Variants in DARS1 observed in about 807,000 individuals in gnomAD.
DARS1 encodes the protein aspartate--tRNA ligase, cytoplasmic.
In DARS1, 51 loss-of-function variants were observed where a neutral mutation model predicts 68.8. The observed-to-expected ratio is 0.74, with a 90% CI of 0.59 to 0.94. The LOEUF (loss-of-function observed/expected upper bound fraction) is 0.94. DARS1 is among the 40% of genes least tolerant of loss of function. DARS1 has a pLI of 0.00. For synonymous variants in DARS1, 203 were observed against 190.4 expected, an observed-to-expected ratio of 1.07 and a Z score of -0.55; for missense variants, 607 against 597.3, an observed-to-expected ratio of 1.02 and a Z score of -0.17.
At chr2:135,948,084 G>T (rs77147958) in intron 4 of DARS1, among the ~76,000 whole-genome samples, 1 of 151,952 alleles carries the variant, frequency 6.6e-6, no homozygotes, top group African/African-American at 2.4e-5. Flanking sequence ...TTTTAGACCC[G>T]TTTTTTTTCT....
At position 135,931,690 on chromosome 2, in the gene DARS1, G is replaced by T. The variant is rs184459694; in HGVS notation, c.564+1093C>A. 2.6e-5 allele frequency among the ~76,000 whole-genome samples: 4 copies of T among 152,268 alleles called. No individual in the cohort carries two copies. The East Asian group carries it at 7.7e-4, about 29-fold the overall frequency. ...TGAATGAATGAAATGAATGATATTT[G>T]CTGGGTGGTGCAGGGCAAAGCAAAA... is the stretch of plus-strand genomic sequence containing the variant. On this transcript the variant is annotated intron_variant, in intron 7 of 15. Coordinates refer to ENST00000264161, the MANE Select transcript of DARS1 (RefSeq NM_001349.4).
chr2:135,928,404 T>G (rs1286445343), intron 7 of DARS1, among the ~76,000 whole-genome samples: 3 of 152,198 alleles, frequency 2.0e-5, no homozygotes, highest in Non-Finnish European at 4.4e-5. Context: ...ACTTTTTTTT[T>G]TTGTTTTTTG....
chr2:135,948,920 C>T (rs1040749827), intron 4 of DARS1, among the ~76,000 whole-genome samples: 5 of 151,470 alleles, frequency 3.3e-5, no homozygotes, highest in African/African-American at 1.2e-4. Context: ...AAATTTTAAC[C>T]TACCAACTAG....
In DARS1 at chr2:135,923,241, C is replaced by T. The variant is rs370272576; in HGVS notation, c.677-323G>A. Among the ~76,000 whole-genome samples the T allele has an allele frequency of 2.7e-4, 41 of 152,040 alleles. No homozygotes were observed. In the East Asian group the frequency reaches 6.8e-3, roughly 25 times the overall value. ...TTTTAAAATGAAAAAATATATTCTT[C>T]ATCATTTTTCCTCTTTTAAAAAAAT... is the stretch of plus-strand genomic sequence containing the variant. On this transcript the variant is annotated intron_variant, in intron 8 of 15. Coordinates refer to ENST00000264161, the MANE Select transcript of DARS1 (RefSeq NM_001349.4).
intron 1 of DARS1, among the ~76,000 whole-genome samples, chr2:135,984,693 T>C (rs1016579465): frequency 6.6e-6 from 1 of 152,198 alleles, no homozygotes; most frequent in Non-Finnish European, 1.5e-5. Flanking sequence ...CAGAACTCCT[T>C]ATAGAAAAAT....
At chr2:135,967,123 T>G (rs1000725087) in intron 3 of DARS1, among the ~76,000 whole-genome samples, 4 of 152,212 alleles carry the variant, frequency 2.6e-5, no homozygotes, top group Non-Finnish European at 5.9e-5. Context: ...TTTCATCTCT[T>G]CCTGCTGACT....
In DARS1 at chr2:135,906,295, T is replaced by C. The variant is rs1680778347; in HGVS notation, c.*1021A>G. On this transcript the variant is annotated 3_prime_UTR_variant, in exon 16 of 16. Transcript: ENST00000264161. ...CCCCAATATTTGTGGTCATGTAAAA[T>C]TAACATTAGCATCAACATTTGTAAT... 6.6e-6 allele frequency among the ~76,000 whole-genome samples: 1 copy of C among 151,030 alleles called. No homozygotes were observed. The highest frequency in any genetic ancestry group is 1.5e-5 in the Non-Finnish European group (1 of 67,718).
rs569778975 is a variant in DARS1, at chr2:135,939,833, C to A, written c.423+3545G>T. 7.6e-4 allele frequency among the ~76,000 whole-genome samples: 115 copies of A among 152,204 alleles called. 2 individuals are homozygous for A. In the East Asian group the frequency reaches 0.019, roughly 25 times the overall value. ...AAAAATGATAAAGGGGATATCACCA[C>A]CGATCCCACAGAAATACAAACTACC... On this transcript the variant is annotated intron_variant, in intron 5 of 15. Transcript: ENST00000264161.
chr2:135,926,140 C>G (rs766210587), intron 7 of DARS1, among the ~76,000 whole-genome samples: 1 of 152,208 alleles, frequency 6.6e-6, no homozygotes, highest in Non-Finnish European at 1.5e-5. Context: ...ATCTGCTCAT[C>G]ACGGCCTCCC....
chr2:135,961,439 C>T lies in DARS1; in HGVS notation c.277G>A (p.Val93Met). 6.4e-7 allele frequency: 1 copy of T among 1,553,636 alleles called. No individual in the cohort carries two copies. The highest frequency in any genetic ancestry group is 8.9e-7 in the Non-Finnish European group (1 of 1,124,762). The change falls in exon 4 of 16, where the codon GTG (valine) becomes ATG (methionine). Residue 93 changes from valine to methionine, a missense_variant. By Grantham distance (21) the Val-to-Met change is conservative (BLOSUM62 1). Transcript: ENST00000264161. ...QQFNVQALVA[V>M]GDHASKQMVK... ...ATCTGCTTGCTTGCATGGTCTCCCA[C>T]CGCCACAAGAGCCTGGACATTAAAC...
At chr2:135,967,695 T>C (rs1682267408) in intron 3 of DARS1, among the ~76,000 whole-genome samples, 1 of 152,296 alleles carries the variant, frequency 6.6e-6, no homozygotes, top group Admixed American at 6.5e-5. Context: ...TTTTGCATTA[T>C]AGGATTCTAA....
At chr2:135,978,738 G>A (rs977085883) in intron 3 of DARS1, among the ~76,000 whole-genome samples, 32 of 152,272 alleles carry the variant, frequency 2.1e-4, no homozygotes, top group African/African-American at 7.0e-4. Context: ...AATGGGAGCC[G>A]TTAGCCACAT....
intron 4 of DARS1, among the ~76,000 whole-genome samples, chr2:135,955,412 T>C (rs1280761062): frequency 6.6e-6 from 1 of 152,042 alleles, no homozygotes; most frequent in Non-Finnish European, 1.5e-5. Flanking sequence ...TTTTTAAATC[T>C]TTGCAAGGGG....
chr2:135,934,888 G>A (rs536812266), intron 5 of DARS1, among the ~76,000 whole-genome samples: 5 of 149,726 alleles, frequency 3.3e-5, no homozygotes, highest in Admixed American at 6.7e-5. Flanking sequence ...TCTGTCTCCC[G>A]GGTTCAAGCG....
chr2:135,968,070 G>A (rs1358032252), intron 3 of DARS1, among the ~76,000 whole-genome samples: 3 of 152,080 alleles, frequency 2.0e-5, no homozygotes, highest in African/African-American at 7.2e-5. Flanking sequence ...GACTAGCCTG[G>A]CCAAAATGGT....
chr2:135,985,096 A>C (rs1347958102), intron 1 of DARS1: 3 of 470,774 alleles, frequency 6.4e-6, no homozygotes, highest in Non-Finnish European at 7.7e-6. Flanking sequence ...GACGTGCCTA[A>C]CCCAGAGAGA....
At chr2:135,919,053 A>T (rs1171217586) in intron 10 of DARS1, among the ~76,000 whole-genome samples, 1 of 152,132 alleles carries the variant, frequency 6.6e-6, no homozygotes, top group Non-Finnish European at 1.5e-5. Flanking sequence ...TTTCTTTGAG[A>T]CAGAGTCTTG....
intron 4 of DARS1, among the ~76,000 whole-genome samples, chr2:135,950,233 C>T (rs1681812714): frequency 6.6e-6 from 1 of 152,148 alleles, no homozygotes; most frequent in South Asian, 2.1e-4. Flanking sequence ...GGAAACGAAA[C>T]ATCTTGAAAA....
chr2:135,957,199 C>T (rs536012544), intron 4 of DARS1, among the ~76,000 whole-genome samples: 149 of 151,668 alleles, frequency 9.8e-4, no homozygotes, highest in Middle Eastern at 3.4e-3. Flanking sequence ...AGAGTAGATG[C>T]GACTACAGGT....
Sources: gnomAD v4.1 joint callset for allele counts (sites outside exome capture counted in the v4.1 genomes callset) on GRCh38, gnomAD v4.1.1 for gene constraint, MANE v1.5 for transcripts, NCBI Gene and HGNC (gene_info 2026-07-23, HGNC 2026-07-21) for gene names.